The following RAB11FIP4 variants were observed in gnomAD, a reference collection of about 807,000 sequenced individuals.
RAB11FIP4 encodes the protein RAB11 family interacting protein 4.
A neutral mutation model predicts 74.3 loss-of-function variants in RAB11FIP4; 23 were observed. That is an observed-to-expected ratio of 0.31 (90% CI 0.22 to 0.44). The LOEUF is 0.44. RAB11FIP4 is among the 20% of genes least tolerant of loss of function. RAB11FIP4 has a pLI of 1.00. For synonymous variants in RAB11FIP4, 360 were observed against 359.9 expected, an observed-to-expected ratio of 1.00 and a Z score of 0.00; for missense variants, 630 against 863.9, an observed-to-expected ratio of 0.73 and a Z score of 3.39.
At chr17:31,501,833 A>C (rs570245436) in intron 3 of RAB11FIP4, 1 of 162,008 alleles carries the variant, frequency 6.2e-6, no homozygotes, top group South Asian at 1.4e-4. Context: ...ATTAAGTACT[A>C]TGCTGAAAGT....
chr17:31,522,467 A>T (rs2072687049), intron 7 of RAB11FIP4, 72 bp downstream of exon 7: 2 of 1,483,690 alleles, frequency 1.3e-6, no homozygotes, highest in African/African-American at 1.4e-5. Flanking sequence ...GCTCCCTGCC[A>T]GCAGCCCGGA....
rs887647057 is a variant in RAB11FIP4 at position 31,458,401 on chromosome 17, C to T, written c.336+24279C>T. On this transcript the variant is annotated intron_variant, in intron 3 of 14. Transcript: ENST00000621161. Reference sequence around the variant, plus strand: ...ATCATGGGAGCCCCGCAGGGCATTGCGGGGAGGCAAGATTCTCCCAGCCCC... The same window carrying T: ...ATCATGGGAGCCCCGCAGGGCATTGTGGGGAGGCAAGATTCTCCCAGCCCC... 5.9e-5 allele frequency among the ~76,000 whole-genome samples: 9 copies of T among 152,174 alleles called. No homozygotes were observed. In the South Asian group the frequency reaches 6.2e-4, roughly 11 times the overall value.
chr17:31,509,255 G>C (rs2072409284), intron 3 of RAB11FIP4: 1 of 136,494 alleles, frequency 7.3e-6, no homozygotes, highest in African/African-American at 2.7e-5. Flanking sequence ...CTCCCTCTGG[G>C]GGTGATGCAA....
intron 1 of RAB11FIP4, chr17:31,392,515 C>T (rs1172077532): frequency 6.6e-6 from 1 of 152,344 alleles, no homozygotes; most frequent in Non-Finnish European, 1.5e-5. Flanking sequence ...GCTGGGGCCA[C>T]CGTGTACTCC....
intron 4 of RAB11FIP4, among the ~76,000 whole-genome samples, chr17:31,519,007 CTTTTTTTTT>C (rs1190316585): frequency 1.4e-5 from 1 of 73,964 alleles, no homozygotes; most frequent in Non-Finnish European, 2.5e-5. Flanking sequence ...TAAGTTTTGT[CTTTTTTTTT>C]TTTTTTTTTT....
intron 1 of RAB11FIP4, among the ~76,000 whole-genome samples, chr17:31,429,793 C>T (rs1019681994): frequency 2.1e-5 from 3 of 144,056 alleles, no homozygotes; most frequent in East Asian, 2.1e-4. Context: ...TGCGCCACTG[C>T]GCTCCAGCCT....
rs879868946 is a variant in RAB11FIP4 at position 31,482,600 on chromosome 17, G to GA, written c.337-35041dup. ...AGGGAGACTCTAAAAGAAAAAAAAAGAAAAAAAAAAGAAAAGAAAAAAAAT... is the reference window on the plus strand; with the variant it reads ...AGGGAGACTCTAAAAGAAAAAAAAAGAAAAAAAAAAAGAAAAGAAAAAAAAT... On this transcript the variant is annotated intron_variant, in intron 3 of 14. Transcript: ENST00000621161. Among the ~76,000 whole-genome samples the GA allele has an allele frequency of 1.2e-4, 16 of 139,040 alleles. No homozygotes were observed. In the South Asian group the frequency reaches 1.8e-3, roughly 15 times the overall value. The allele number at this position is 139,040 out of a possible 152,430, so 91.2% of individuals were successfully genotyped here. A position where few individuals can be genotyped will look rare whatever the true frequency, so the allele number is the denominator to read the frequency against.
In RAB11FIP4 at chr17:31,533,146, A is replaced by C. The variant is rs185194626; in HGVS notation, c.*1414A>C. The C allele has an allele frequency of 1.2e-4, 18 of 152,362 alleles. 1 individual carries two copies. Among genetic ancestry groups the C allele is most frequent in the African/African-American group, 3.8e-4 (16 of 41,564 alleles). 9.4% of individuals were successfully genotyped at this position (152,362 alleles called of 1,614,324 possible). A position where few individuals can be genotyped will look rare whatever the true frequency, so the allele number is the denominator to read the frequency against. ...GGAAGGGCGGTGGAGGGGGAGTTGC[A>C]GAAAGAGAGGGCAGTGAGGGTGAGG... is the stretch of plus-strand genomic sequence containing the variant. On this transcript the variant is annotated 3_prime_UTR_variant, in exon 15 of 15. Transcript: ENST00000621161.
chr17:31,519,802 G>A (rs73988084), intron 4 of RAB11FIP4, among the ~76,000 whole-genome samples: 7,390 of 152,162 alleles, frequency 0.049, 562 homozygotes, highest in African/African-American at 0.17. Flanking sequence ...CTTTGGGTCT[G>A]TGGATGGAGA....
At chr17:31,518,513 G>C (rs907040206) in intron 4 of RAB11FIP4, 2 of 152,540 alleles carry the variant, frequency 1.3e-5, no homozygotes, top group African/African-American at 4.8e-5. Flanking sequence ...GGACTTCTGG[G>C]CTCTAGTGCA....
intron 3 of RAB11FIP4, among the ~76,000 whole-genome samples, chr17:31,511,042 TTTG>T (rs2072442954): frequency 6.6e-6 from 1 of 152,124 alleles, no homozygotes; most frequent in Admixed American, 6.6e-5. Flanking sequence ...TTTGTTTTGT[TTTG>T]TTTTCTGAGC....
At chr17:31,399,648 G>A (rs2070965525) in intron 1 of RAB11FIP4, among the ~76,000 whole-genome samples, 1 of 152,158 alleles carries the variant, frequency 6.6e-6, no homozygotes, top group Non-Finnish European at 1.5e-5. Context: ...GGGAGGCGGA[G>A]GTTGCAGTGA....
chr17:31,392,158 G>T (rs2070879795), intron 1 of RAB11FIP4, 147 bp downstream of exon 1: 1 of 604,698 alleles, frequency 1.7e-6, no homozygotes, highest in East Asian at 4.0e-5. Flanking sequence ...CAGGACCTCG[G>T]CCCCCCCCGG....
intron 3 of RAB11FIP4, among the ~76,000 whole-genome samples, chr17:31,513,685 T>G (rs758061174): frequency 1.3e-5 from 2 of 152,318 alleles, no homozygotes; most frequent in Non-Finnish European, 2.9e-5. Flanking sequence ...GAAATGGTTT[T>G]AAAGTTATAA....
intron 3 of RAB11FIP4, among the ~76,000 whole-genome samples, chr17:31,508,417 C>T (rs1017157785): frequency 6.6e-6 from 1 of 152,246 alleles, no homozygotes; most frequent in Non-Finnish European, 1.5e-5. Flanking sequence ...AATGCACTCA[C>T]ATGAGCTTGG....
At chr17:31,467,310 G>C (rs887138238) in intron 3 of RAB11FIP4, among the ~76,000 whole-genome samples, 1 of 151,914 alleles carries the variant, frequency 6.6e-6, no homozygotes, top group Admixed American at 6.6e-5. Context: ...CTAAAATGGG[G>C]GTTTCACCAA....
At chr17:31,486,012 G>T (rs2071897212) in intron 3 of RAB11FIP4, among the ~76,000 whole-genome samples, 1 of 151,980 alleles carries the variant, frequency 6.6e-6, no homozygotes, top group African/African-American at 2.4e-5. Context: ...AAGGCGGGCA[G>T]ATCATGAGGT....
chr17:31,408,721 G>C (rs1230545989), intron 1 of RAB11FIP4, among the ~76,000 whole-genome samples: 1 of 152,206 alleles, frequency 6.6e-6, no homozygotes, highest in African/African-American at 2.4e-5. Context: ...TAAGCGGGGT[G>C]GGCACAGGAG....
In RAB11FIP4 at chr17:31,410,787, G is replaced by A. The variant is rs1424247466; in HGVS notation, c.159+18776G>A. Among the ~76,000 whole-genome samples, 7 of 152,288 alleles carry A rather than the reference G, an allele frequency of 4.6e-5. No individual in the cohort carries two copies. The East Asian group carries it at 1.2e-3, about 25-fold the overall frequency. On this transcript the variant is annotated intron_variant, in intron 1 of 14. Transcript: ENST00000621161. ...TTTCTGCCAGCCTCAGAGGGCATGTGCCAGCTCCAAGACCAGGGCCCTGGT... is the reference window on the plus strand; with the variant it reads ...TTTCTGCCAGCCTCAGAGGGCATGTACCAGCTCCAAGACCAGGGCCCTGGT...
Sources: gnomAD v4.1 joint callset for allele counts (sites outside exome capture counted in the v4.1 genomes callset) on GRCh38, gnomAD v4.1.1 for gene constraint, MANE v1.5 for transcripts, NCBI Gene and HGNC (gene_info 2026-07-23, HGNC 2026-07-21) for gene names.